EPHA6: variants seen among roughly 807,000 people sequenced by gnomAD.
EPHA6 encodes the protein ephrin type-A receptor 6.
EPHA6 carries 50 observed loss-of-function variants against 112.0 expected under a neutral mutation model. That is an observed-to-expected ratio of 0.45 (90% CI 0.36 to 0.56). The LOEUF (loss-of-function observed/expected upper bound fraction) is 0.56. Ranked by LOEUF, EPHA6 falls within the 20% of genes least tolerant of loss-of-function variation. The pLI is 0.00. For missense variants in EPHA6, 1,280 were observed against 1,417.4 expected, an observed-to-expected ratio of 0.90 and a Z score of 1.56; for synonymous variants, 529 against 490.7, an observed-to-expected ratio of 1.08 and a Z score of -1.03.
intron 3 of EPHA6, among the ~76,000 whole-genome samples, chr3:97,064,310 T>G (rs1274512920): frequency 6.6e-6 from 1 of 152,148 alleles, no homozygotes; most frequent in Non-Finnish European, 1.5e-5. Flanking sequence ...TGATCAATGA[T>G]TACACGTGTG....
At chr3:96,992,809 C>T (rs1049580968) in intron 3 of EPHA6, among the ~76,000 whole-genome samples, 5 of 151,950 alleles carry the variant, frequency 3.3e-5, no homozygotes, top group African/African-American at 9.7e-5. Flanking sequence ...TGCTTTTGTA[C>T]CCTTTTCTTC....
chr3:97,678,494 T>C (rs2031590996), intron 14 of EPHA6, among the ~76,000 whole-genome samples: 1 of 152,138 alleles, frequency 6.6e-6, no homozygotes, highest in African/African-American at 2.4e-5. Context: ...TAAGATCTGT[T>C]CCTGCTATTC....
In EPHA6 at chr3:96,844,064, G is replaced by A. The variant is rs116129287; in HGVS notation, c.386-22761G>A. Among the ~76,000 whole-genome samples the A allele has an allele frequency of 8.4e-4, 127 of 152,090 alleles. 1 individual carries two copies. The highest frequency in any genetic ancestry group is 2.9e-3 in the African/African-American group (121 of 41,526). On this transcript the variant is annotated intron_variant, in intron 1 of 17. Transcript: ENST00000389672. The stretch of plus-strand genomic sequence containing the variant: ...AACACAGTTCCCATCTAGGCTGGAG[G>A]AGAGGAGTAGGTTTACTTAGTAGAA...
intron 7 of EPHA6, among the ~76,000 whole-genome samples, chr3:97,450,408 A>G (rs1410384400): frequency 6.6e-6 from 1 of 152,086 alleles, no homozygotes; most frequent in African/African-American, 2.4e-5. Context: ...ACAGATTTAA[A>G]AAATTCACCT....
At chr3:96,843,198 T>C (rs2034855672) in intron 1 of EPHA6, among the ~76,000 whole-genome samples, 1 of 152,054 alleles carries the variant, frequency 6.6e-6, no homozygotes, top group African/African-American at 2.4e-5. Flanking sequence ...AAATACAGTG[T>C]GAAGAGGTTG....
At chr3:97,211,986 A>G (rs2077889487) in intron 3 of EPHA6, among the ~76,000 whole-genome samples, 1 of 152,196 alleles carries the variant, frequency 6.6e-6, no homozygotes, top group Non-Finnish European at 1.5e-5. Context: ...TGTAGTTATT[A>G]TTACTAATAT....
At chr3:97,341,205 G>A (rs77745242) in intron 5 of EPHA6, among the ~76,000 whole-genome samples, 3,093 of 152,168 alleles carry the variant, frequency 0.02, 99 homozygotes, top group African/African-American at 0.069. Flanking sequence ...CAATGGGCAC[G>A]TTGGCTGTCA....
intron 3 of EPHA6, among the ~76,000 whole-genome samples, chr3:97,221,942 A>G (rs1300831257): frequency 2.0e-5 from 3 of 150,878 alleles, no homozygotes; most frequent in Admixed American, 1.3e-4. Flanking sequence ...AGGCAGGAGA[A>G]TTGCTTGATC....
chr3:97,267,962 G>C (rs2079744085), intron 5 of EPHA6, among the ~76,000 whole-genome samples: 2 of 152,124 alleles, frequency 1.3e-5, no homozygotes, highest in South Asian at 4.1e-4. Context: ...AATAAAAAAA[G>C]AGTTTATTTT....
At chr3:97,298,230 C>G (rs375349618) in intron 5 of EPHA6, among the ~76,000 whole-genome samples, 19 of 152,200 alleles carry the variant, frequency 1.2e-4, no homozygotes, top group East Asian at 1.2e-3. Flanking sequence ...TGTATTTTCC[C>G]CAGAATGGGA....
At chr3:97,614,501 A>ATTTTTTTTTT (rs35126699) in intron 13 of EPHA6, among the ~76,000 whole-genome samples, 70 of 98,214 alleles carry the variant, frequency 7.1e-4, no homozygotes, top group African/African-American at 2.0e-3. Flanking sequence ...CACCCAGCTA[A>ATTTTTTTTTT]TTTTTTTTTT....
chr3:97,492,231 G>A (rs989434460), intron 10 of EPHA6, among the ~76,000 whole-genome samples: 4 of 151,864 alleles, frequency 2.6e-5, no homozygotes, highest in Non-Finnish European at 5.9e-5. Context: ...CTTGGGTTAG[G>A]TATTAAAAGG....
chr3:97,465,156 T>C (rs2091012576), intron 7 of EPHA6, among the ~76,000 whole-genome samples: 1 of 152,234 alleles, frequency 6.6e-6, no homozygotes, highest in African/African-American at 2.4e-5. Flanking sequence ...TCAGGAAATG[T>C]TCCCTTTCAT....
chr3:97,516,790 C>T (rs1360845166), intron 10 of EPHA6, among the ~76,000 whole-genome samples: 1 of 151,984 alleles, frequency 6.6e-6, no homozygotes, highest in Non-Finnish European at 1.5e-5. Flanking sequence ...AAACTGAAGA[C>T]AGGAATGCAA....
At chr3:97,361,878 A>G (rs2084392880) in intron 5 of EPHA6, among the ~76,000 whole-genome samples, 1 of 152,228 alleles carries the variant, frequency 6.6e-6, no homozygotes. Flanking sequence ...CAGCTTGAGT[A>G]TACCCACTAA....
At chr3:97,123,475 C>T (rs1257083789) in intron 3 of EPHA6, among the ~76,000 whole-genome samples, 3 of 152,060 alleles carry the variant, frequency 2.0e-5, no homozygotes, top group Non-Finnish European at 4.4e-5. Flanking sequence ...AGCCAATAAG[C>T]TACTCCCGTA....
rs2036016974 is a variant in EPHA6 at position 97,756,030 on chromosome 3, T to C, written c.*7329T>C. Among the ~76,000 whole-genome samples the C allele has an allele frequency of 6.6e-6, 1 of 152,084 alleles. No individual in the cohort carries two copies. The highest frequency in any genetic ancestry group is 1.5e-5 in the Non-Finnish European group (1 of 67,898). On this transcript the variant is annotated 3_prime_UTR_variant, in exon 18 of 18. Transcript: ENST00000389672. The stretch of plus-strand genomic sequence containing the variant: ...TGCATTTAGATAGAAATTGCTTTTG[T>C]TAAATTTACATTTAAACACATCTTC...
At position 97,352,687 on chromosome 3, in the gene EPHA6, AT is replaced by A. The variant is rs1297842572; in HGVS notation, c.1607-52461del. Among the ~76,000 whole-genome samples, 21 of 152,284 alleles carry A rather than the reference AT, an allele frequency of 1.4e-4. 1 individual carries two copies. In the South Asian group the frequency reaches 3.1e-3, roughly 23 times the overall value. On this transcript the variant is annotated intron_variant, in intron 5 of 17. Transcript: ENST00000389672. ...CACAACCATGGGCTGAATACCCTAGATTCCCATATAAACTTGAAAGATAGCT... is the reference window on the plus strand; with the variant it reads ...CACAACCATGGGCTGAATACCCTAGATCCCATATAAACTTGAAAGATAGCT...
intron 5 of EPHA6, among the ~76,000 whole-genome samples, chr3:97,374,465 C>T (rs1445934428): frequency 6.6e-6 from 1 of 152,072 alleles, no homozygotes; most frequent in Non-Finnish European, 1.5e-5. Flanking sequence ...TCTTGACAAG[C>T]CACCTTACAC....
Sources: gnomAD v4.1 joint callset for allele counts (sites outside exome capture counted in the v4.1 genomes callset) on GRCh38, gnomAD v4.1.1 for gene constraint, MANE v1.5 for transcripts, NCBI Gene and HGNC (gene_info 2026-07-23, HGNC 2026-07-21) for gene names.